Variants in EML6 observed in about 807,000 individuals in gnomAD.
The protein encoded by EML6 is echinoderm microtubule-associated protein-like 6.
Under a neutral mutation model 240.1 loss-of-function variants are expected in EML6, and 154 were observed. That is an observed-to-expected ratio of 0.64 (90% CI 0.56 to 0.73). The LOEUF (loss-of-function observed/expected upper bound fraction) is 0.73. EML6 is among the 30% of genes least tolerant of loss of function. The pLI is 0.00. For missense variants in EML6, 2,964 were observed against 2,474.6 expected, an observed-to-expected ratio of 1.20 and a Z score of -4.20; for synonymous variants, 1,148 against 899.0, an observed-to-expected ratio of 1.28 and a Z score of -4.95.
chr2:54,755,556 A>G (rs1017620140), intron 2 of EML6, among the ~76,000 whole-genome samples: 3 of 152,176 alleles, frequency 2.0e-5, no homozygotes, highest in Admixed American at 2.0e-4. Flanking sequence ...AGTCTTATCC[A>G]TCTTTTGATG....
chr2:54,946,512 C>G (rs972931298), intron 28 of EML6, among the ~76,000 whole-genome samples: 3 of 152,198 alleles, frequency 2.0e-5, no homozygotes, highest in African/African-American at 7.2e-5. Context: ...GATTTAGATC[C>G]ACGGAAAACT....
At chr2:54,913,521 T>G (rs1673752657) in intron 25 of EML6, among the ~76,000 whole-genome samples, 3 of 152,180 alleles carry the variant, frequency 2.0e-5, no homozygotes, top group African/African-American at 4.8e-5. Flanking sequence ...GCCTGTTGAC[T>G]TAAGTTCCTT....
intron 2 of EML6, among the ~76,000 whole-genome samples, chr2:54,728,358 T>C (rs1364219925): frequency 6.6e-6 from 1 of 152,232 alleles, no homozygotes; most frequent in Non-Finnish European, 1.5e-5. Flanking sequence ...GTGATTCCAG[T>C]TGAGACATTT....
chr2:54,825,826 A>G (rs770204406), intron 5 of EML6, among the ~76,000 whole-genome samples: 1 of 152,048 alleles, frequency 6.6e-6, no homozygotes, highest in Non-Finnish European at 1.5e-5. Context: ...CTAGTACCCA[A>G]CTACTCTGAG....
intron 10 of EML6, 45 bp downstream of exon 10, chr2:54,850,263 T>C (rs1263166784): frequency 6.6e-7 from 1 of 1,516,390 alleles, no homozygotes; most frequent in African/African-American, 1.4e-5. Context: ...AGCAAAATTT[T>C]GAACCAGGTG....
chr2:54,816,897 T>C lies in EML6; in HGVS notation c.456+12T>C, dbSNP rs1347810185. 2.6e-6 allele frequency: 4 copies of C among 1,534,742 alleles called. No individual in the cohort carries two copies. The highest frequency in any genetic ancestry group is 3.5e-6 in the Non-Finnish European group (4 of 1,131,612). On this transcript the variant is annotated intron_variant, in intron 4 of 41. Transcript: ENST00000356458. ...GCCATTCTGACAGGGTAAGAACTTG[T>C]TGGATCAAGCTATGCAGATTTCAGA... is the stretch of plus-strand genomic sequence containing the variant.
At chr2:54,848,524 T>TACACACAC (rs59587579) in intron 9 of EML6, among the ~76,000 whole-genome samples, 1,943 of 145,670 alleles carry the variant, frequency 0.013, 27 homozygotes, top group South Asian at 0.051. Context: ...GCTTCCACAC[T>TACACACAC]ACACACACAC....
intron 8 of EML6, among the ~76,000 whole-genome samples, chr2:54,845,683 G>C (rs1314497333): frequency 6.6e-6 from 1 of 152,204 alleles, no homozygotes; most frequent in Non-Finnish European, 1.5e-5. Context: ...AACAGCATGA[G>C]ATCATGCATG....
chr2:54,733,884 A>G (rs913044093), intron 2 of EML6, among the ~76,000 whole-genome samples: 5 of 152,224 alleles, frequency 3.3e-5, no homozygotes, highest in African/African-American at 1.2e-4. Flanking sequence ...AAGGGGGAAT[A>G]GACTGAGAGA....
rs749672759 is a variant in EML6, at chr2:54,903,475, A to G, written c.3382A>G (p.Ile1128Val). 1.9e-6 allele frequency: 3 copies of G among 1,551,786 alleles called. No individual in the cohort carries two copies. The highest frequency in any genetic ancestry group is 2.7e-5 in the African/African-American group (2 of 73,056). The change falls in exon 24 of 42, where the codon ATT (isoleucine) becomes GTT (valine). Residue 1128 changes from isoleucine (I) to valine (V), a missense_variant. Transcript: ENST00000356458. ...VGICKGASSY[I>V]THIDWDSRGK... ...CATCTGTAAAGGTGCTTCTAGTTAT[A>G]TTACACACATTGACTGGGACTCTAG...
chr2:54,789,480 C>G lies in EML6; in HGVS notation c.198-23752C>G, dbSNP rs1372522993. 5.3e-5 allele frequency among the ~76,000 whole-genome samples: 7 copies of G among 131,676 alleles called. No individual in the cohort carries two copies. The East Asian group carries it at 1.5e-3, about 29-fold the overall frequency. The allele number at this position is 131,676 out of a possible 152,430, so 86.4% of individuals were successfully genotyped here. On this transcript the variant is annotated intron_variant, in intron 2 of 41. Coordinates refer to ENST00000356458, the MANE Select transcript of EML6 (RefSeq NM_001039753.4). ...AGTGAGCCGAGATTACGCCACTGCA[C>G]TCCCGCCTGGGCCACAGAGCGAGAC...
At chr2:54,936,968 CTT>C (rs141307785) in intron 28 of EML6, among the ~76,000 whole-genome samples, 68,011 of 132,650 alleles carry the variant, frequency 0.51, 17,421 homozygotes, top group East Asian at 0.77. Context: ...TCATGTCTCT[CTT>C]TTTTTTTTTT....
intron 7 of EML6, among the ~76,000 whole-genome samples, chr2:54,831,323 G>A (rs1668857882): frequency 6.6e-6 from 1 of 152,124 alleles, no homozygotes; most frequent in Admixed American, 6.5e-5. Flanking sequence ...TTAAAGCATG[G>A]GGATCAGCTA....
intron 2 of EML6, among the ~76,000 whole-genome samples, chr2:54,794,167 T>G (rs538613677): frequency 6.6e-6 from 1 of 152,192 alleles, no homozygotes; most frequent in Admixed American, 6.5e-5. Flanking sequence ...TAAGATAGAT[T>G]AGGCAGCTGG....
intron 22 of EML6, among the ~76,000 whole-genome samples, chr2:54,901,012 A>C (rs1673027021): frequency 1.3e-5 from 2 of 152,208 alleles, no homozygotes; most frequent in Admixed American, 6.5e-5. Flanking sequence ...TGAGGATTGT[A>C]TTCTAGGGTA....
chr2:54,822,828 A>G (rs1668393647), intron 5 of EML6, among the ~76,000 whole-genome samples: 1 of 152,210 alleles, frequency 6.6e-6, no homozygotes, highest in African/African-American at 2.4e-5. Context: ...TATATTCCAA[A>G]ATAAGAAAAA....
At chr2:54,795,335 T>C (rs775174574) in intron 2 of EML6, among the ~76,000 whole-genome samples, 1 of 152,108 alleles carries the variant, frequency 6.6e-6, no homozygotes, top group Non-Finnish European at 1.5e-5. Flanking sequence ...GGTGCCACAC[T>C]TGAAAACCAT....
intron 2 of EML6, among the ~76,000 whole-genome samples, chr2:54,726,832 A>G (rs1477563361): frequency 2.0e-5 from 3 of 152,254 alleles, no homozygotes; most frequent in Non-Finnish European, 4.4e-5. Context: ...GCTTTCCATT[A>G]CAGCATCAAA....
chr2:54,768,831 G>T (rs564045476), intron 2 of EML6, among the ~76,000 whole-genome samples: 1 of 151,420 alleles, frequency 6.6e-6, no homozygotes, highest in East Asian at 1.9e-4. Flanking sequence ...TTTTTTTTTA[G>T]AAAATAAATG....
Sources: gnomAD v4.1 joint callset for allele counts (sites outside exome capture counted in the v4.1 genomes callset) on GRCh38, gnomAD v4.1.1 for gene constraint, MANE v1.5 for transcripts, NCBI Gene and HGNC (gene_info 2026-07-23, HGNC 2026-07-21) for gene names.